TRIM9: variants seen among roughly 807,000 people sequenced by gnomAD.
TRIM9 encodes E3 ubiquitin-protein ligase TRIM9.
In TRIM9, 26 loss-of-function variants were observed where a neutral mutation model predicts 78.3. The observed-to-expected ratio is 0.33, with a 90% CI of 0.24 to 0.46. The LOEUF (loss-of-function observed/expected upper bound fraction) is 0.46. TRIM9 is among the 20% of genes least tolerant of loss of function. The probability of loss-of-function intolerance (pLI) is 1.00; values close to 1 mark genes in which losing one functional copy is unlikely to be tolerated. For synonymous variants in TRIM9, 398 were observed against 416.5 expected (o/e 0.96, Z 0.54); for missense variants, 787 against 1,036.4 (o/e 0.76, Z 3.30).
rs2051961070 is a variant in TRIM9 at position 50,981,846 on chromosome 14, C to T, written c.2116G>A (p.Asp706Asn). The change falls in exon 11 of 13, where the codon GAC (aspartate) becomes AAC (asparagine). Residue 706 changes from aspartate (D) to asparagine (N), a missense_variant. By Grantham distance (23) the Asp-to-Asn change is conservative (BLOSUM62 1). This residue lies in a region of TRIM9 where 421 missense variants were observed against 514.3 expected (regional missense o/e 0.82). Coordinates refer to ENST00000684578, the MANE Select transcript of TRIM9 (RefSeq NM_001387360.1). Reference sequence around the variant, plus strand: ...TGCATGAACCAGCTCCGGTTATTGTCCACATACATTGCCCAAGCTTTGTCG... The same window carrying T: ...TGCATGAACCAGCTCCGGTTATTGTTCACATACATTGCCCAAGCTTTGTCG... ...KDDKAWAMYV[D>N]NNRSWFMHNN... 1 of 1,614,066 alleles carries T rather than the reference C, an allele frequency of 6.2e-7. No homozygotes were observed. Among genetic ancestry groups the T allele is most frequent in the African/African-American group, 1.3e-5 (1 of 74,918 alleles).
At chr14:51,051,688 C>T (rs530745307) in intron 1 of TRIM9, among the ~76,000 whole-genome samples, 23 of 152,166 alleles carry the variant, frequency 1.5e-4, no homozygotes, top group South Asian at 1.2e-3. Context: ...TGGAATAGGC[C>T]GGGCGCAGTG....
intron 1 of TRIM9, among the ~76,000 whole-genome samples, chr14:51,029,408 G>C (rs1158194740): frequency 6.6e-6 from 1 of 152,078 alleles, no homozygotes; most frequent in African/African-American, 2.4e-5. Flanking sequence ...AACACCACTG[G>C]GCCCAGGAGC....
chr14:51,029,652 A>AGCAAGAAATTCTAATAATTGTAG (rs1231347326), intron 1 of TRIM9, among the ~76,000 whole-genome samples: 1 of 152,242 alleles, frequency 6.6e-6, no homozygotes, highest in African/African-American at 2.4e-5. Flanking sequence ...AATAATTGTA[A>AGCAAGAAATTCTAATAATTGTAG]GCAAGAAATT....
At chr14:50,981,445 T>C (rs1308832685) in intron 11 of TRIM9, among the ~76,000 whole-genome samples, 1 of 152,096 alleles carries the variant, frequency 6.6e-6, no homozygotes, top group Non-Finnish European at 1.5e-5. Context: ...GAAACTGAGG[T>C]TCAAAAAACG....
chr14:50,981,691 C>T, intron 11 of TRIM9, 109 bp downstream of exon 11: 1 of 1,415,862 alleles, frequency 7.1e-7, no homozygotes, highest in Non-Finnish European at 9.7e-7. Flanking sequence ...ATGTAGACCA[C>T]CTGTTTGATT....
intron 5 of TRIM9, among the ~76,000 whole-genome samples, chr14:51,002,840 A>C (rs2055259303): frequency 6.6e-6 from 1 of 152,236 alleles, no homozygotes; most frequent in Non-Finnish European, 1.5e-5. Context: ...ACTAAATCAA[A>C]CATAGCTAAA....
intron 1 of TRIM9, among the ~76,000 whole-genome samples, chr14:51,048,518 TA>T (rs2060129150): frequency 1.3e-5 from 2 of 152,202 alleles, no homozygotes; most frequent in Non-Finnish European, 2.9e-5. Flanking sequence ...GGTTAATTAC[TA>T]GTGACATAAA....
At chr14:50,977,555 G>A (rs535273454) in intron 12 of TRIM9, among the ~76,000 whole-genome samples, 11 of 152,232 alleles carry the variant, frequency 7.2e-5, no homozygotes, top group Admixed American at 4.6e-4. Flanking sequence ...CTCAAATCCT[G>A]GTGACATTTG....
At chr14:51,081,820 A>G (rs2063330651) in intron 1 of TRIM9, among the ~76,000 whole-genome samples, 1 of 152,240 alleles carries the variant, frequency 6.6e-6, no homozygotes. Context: ...GCAGAGACGC[A>G]TGGAGTAAGG....
rs367881043 is a variant in TRIM9 at position 50,975,908 on chromosome 14, T to C, written c.*1383A>G. The stretch of plus-strand genomic sequence containing the variant: ...TCTGCTATCAGTCATAGTAATGACA[T>C]ACAGTCCCATGTTTTTCCAAACATT... On this transcript the variant is annotated 3_prime_UTR_variant, in exon 13 of 13. Coordinates refer to ENST00000684578, the MANE Select transcript of TRIM9 (RefSeq NM_001387360.1). 1.8e-4 allele frequency: 28 copies of C among 152,762 alleles called. 1 individual carries two copies. Among genetic ancestry groups the C allele is most frequent in the African/African-American group, 6.3e-4 (26 of 41,586 alleles). The allele number at this position is 152,762 out of a possible 1,614,324, so 9.5% of individuals were successfully genotyped here.
At chr14:51,066,059 AGG>A (rs1480077933) in intron 1 of TRIM9, among the ~76,000 whole-genome samples, 3 of 58,102 alleles carry the variant, frequency 5.2e-5, no homozygotes, top group African/African-American at 2.0e-4. Flanking sequence ...TTTAGAAGGA[AGG>A]AAGGAAGGAA....
chr14:51,050,789 C>T (rs1426329150), intron 1 of TRIM9, among the ~76,000 whole-genome samples: 2 of 152,032 alleles, frequency 1.3e-5, no homozygotes, highest in African/African-American at 2.4e-5. Flanking sequence ...TCCTTTTCTC[C>T]CTCCCATTTC....
chr14:51,015,505 C>CTTTTCTTTTTTTTTTTTTT (rs1555338411), intron 3 of TRIM9, among the ~76,000 whole-genome samples: 6 of 61,330 alleles, frequency 9.8e-5, no homozygotes, highest in Admixed American at 4.5e-4. Flanking sequence ...CTTTACTTTT[C>CTTTTCTTTTTTTTTTTTTT]TTTTTTTTTT....
At chr14:51,032,852 C>T (rs533210919) in intron 1 of TRIM9, among the ~76,000 whole-genome samples, 3 of 152,202 alleles carry the variant, frequency 2.0e-5, no homozygotes, top group African/African-American at 7.2e-5. Context: ...GTTGAATATC[C>T]CTGTTCTGAA....
At chr14:51,064,286 AATAG>A (rs2061572117) in intron 1 of TRIM9, among the ~76,000 whole-genome samples, 1 of 152,080 alleles carries the variant, frequency 6.6e-6, no homozygotes, top group Non-Finnish European at 1.5e-5. Flanking sequence ...CTAAATACTC[AATAG>A]ATAAATTATA....
rs776248669 is a variant in TRIM9 at position 50,981,972 on chromosome 14, G to T, written c.1990C>A (p.His664Asn). Residue 664 changes from histidine to asparagine, a missense_variant, in exon 11 of 13, where the codon CAC becomes AAC. This residue lies in a region of TRIM9 where 421 missense variants were observed against 514.3 expected (regional missense o/e 0.82). Transcript: ENST00000684578. ...LGKTGFSKGI[H>N]YWELTVDRYD... is the part of the protein sequence containing the mutation. ...CGATCTACCGTGAGCTCCCAGTAGT[G>T]GATGCCCTTGGAGAAGCCAGTCTTC... 6.2e-7 allele frequency: 1 copy of T among 1,614,032 alleles called. No homozygotes were observed. Among genetic ancestry groups the T allele is most frequent in the African/African-American group, 1.3e-5 (1 of 74,912 alleles).
chr14:51,058,616 C>T (rs1245212291), intron 1 of TRIM9, among the ~76,000 whole-genome samples: 1 of 150,474 alleles, frequency 6.6e-6, no homozygotes, highest in Non-Finnish European at 1.5e-5. Context: ...CGCTGGTGAG[C>T]CACCCTGGGC....
At position 50,985,092 on chromosome 14, in the gene TRIM9, T is replaced by C. The variant is rs1489654207; in HGVS notation, c.1792+864A>G. Among the ~76,000 whole-genome samples the C allele has an allele frequency of 2.6e-5, 4 of 152,240 alleles. 1 individual carries two copies. The East Asian group carries it at 5.8e-4, about 22-fold the overall frequency. ...AAATGTGCATCATGTGTATCCATGA[T>C]TACAATATAGTCCTGAAGAGATCAA... On this transcript the variant is annotated intron_variant, in intron 8 of 12. Transcript: ENST00000684578.
At chr14:51,091,953 T>C (rs767871571) in intron 1 of TRIM9, among the ~76,000 whole-genome samples, 4 of 152,198 alleles carry the variant, frequency 2.6e-5, no homozygotes, top group Non-Finnish European at 4.4e-5. Flanking sequence ...TAAAGGTTTC[T>C]TTTGGTCTTA....
Sources: gnomAD v4.1 joint callset for allele counts (sites outside exome capture counted in the v4.1 genomes callset) on GRCh38, gnomAD v4.1.1 for gene constraint, gnomAD v4.1.1 regional missense constraint, MANE v1.5 for transcripts, NCBI Gene and HGNC (gene_info 2026-07-23, HGNC 2026-07-21) for gene names.